Variants in GRIP2 observed in about 807,000 individuals in gnomAD.
GRIP2 encodes the protein glutamate receptor-interacting protein 2.
A neutral mutation model predicts 108.3 loss-of-function variants in GRIP2; 58 were observed. The observed-to-expected ratio is 0.54, with a 90% CI of 0.43 to 0.67. GRIP2 has a LOEUF of 0.67. Ranked by LOEUF, GRIP2 falls within the 30% of genes least tolerant of loss-of-function variation. The pLI is 0.00. For synonymous variants in GRIP2, 586 were observed against 598.2 expected (o/e 0.98, Z 0.30); for missense variants, 1,278 against 1,430.6 (o/e 0.89, Z 1.72).
At chr3:14,573,795 T>C in the GRIP2 span, 1 of 1,549,934 alleles carries the variant, frequency 6.5e-7, no homozygotes. Flanking sequence ...AAACTGTCTC[T>C]TGTGGCCGGC....
At position 14,525,437 on chromosome 3, in the gene GRIP2, C is replaced by G; in HGVS notation, c.257G>C (p.Arg86Thr). 14 of 1,612,248 alleles carry G rather than the reference C, an allele frequency of 8.7e-6. No individual in the cohort carries two copies. Among genetic ancestry groups the G allele is most frequent in the Non-Finnish European group, 1.2e-5 (14 of 1,179,792 alleles). ...SNLRPGGLAARSDLLNIGDYI... is the reference protein window; with the variant it reads ...SNLRPGGLAATSDLLNIGDYI... ...CGGCCGTGCCAAGCCCACTTCTCAC[C>G]TGGCTGCAAGTCCCCCAGGTCTCAG... Residue 86 changes from arginine to threonine, a missense_variant and splice_region_variant, in exon 3 of 24, where the codon AGG becomes ACG. By Grantham distance (71) the Arg-to-Thr change is moderately conservative. Transcript: ENST00000621039.
At chr3:14,508,195 T>C (rs752550491) in intron 17 of GRIP2, among the ~76,000 whole-genome samples, 11 of 152,240 alleles carry the variant, frequency 7.2e-5, no homozygotes, top group Non-Finnish European at 1.5e-4. Context: ...AGAATGGGCA[T>C]AATCACCAGC....
At chr3:14,601,104 G>A in the GRIP2 span, among the ~76,000 whole-genome samples, 1 of 151,112 alleles carries the variant, frequency 6.6e-6, no homozygotes, top group African/African-American at 2.4e-5. Context: ...ACACACACAC[G>A]AGGCAGGGGG....
intron 9 of GRIP2, among the ~76,000 whole-genome samples, chr3:14,519,302 C>A (rs1014737830): frequency 2.6e-5 from 4 of 152,164 alleles, no homozygotes; most frequent in Non-Finnish European, 5.9e-5. Flanking sequence ...ATGGGGTTTG[C>A]AAAGGGTGGG....
At chr3:14,526,019 G>A (rs1156845453) in intron 1 of GRIP2, 88 bp from the exon 2 acceptor site, 3 of 1,190,676 alleles carry the variant, frequency 2.5e-6, no homozygotes, top group Admixed American at 4.0e-5. Context: ...TCCACTCTGT[G>A]GACGTGGCCT....
At chr3:14,524,659 A>T in intron 3 of GRIP2, 121 bp from the exon 4 acceptor site, 1 of 1,158,662 alleles carries the variant, frequency 8.6e-7, no homozygotes, top group Non-Finnish European at 1.2e-6. Context: ...CAAATGGGGA[A>T]GCTGAGGCTT....
intron 16 of GRIP2, among the ~76,000 whole-genome samples, chr3:14,510,739 T>C (rs890889430): frequency 3.3e-5 from 5 of 152,120 alleles, no homozygotes; most frequent in Admixed American, 1.3e-4. Flanking sequence ...ATACAGCTTT[T>C]CTCACTCATT....
In GRIP2 at chr3:14,491,899, C is replaced by G. The variant is rs1701345410; in HGVS notation, c.*1766G>C. 2 of 152,288 alleles carry G rather than the reference C, an allele frequency of 1.3e-5. No individual in the cohort carries two copies. The highest frequency in any genetic ancestry group is 4.8e-5 in the African/African-American group (2 of 41,456). The allele number at this position is 152,288 out of a possible 1,614,324, so 9.4% of individuals were successfully genotyped here. A position where few individuals can be genotyped will look rare whatever the true frequency, so the allele number is the denominator to read the frequency against. ...GTGACAGGTAGACAGTGCCCTTTCA[C>G]TCTGGGCTGAGTACACGGGAATCCA... is the stretch of plus-strand genomic sequence containing the variant. On this transcript the variant is annotated 3_prime_UTR_variant, in exon 24 of 24. Coordinates refer to ENST00000621039, the MANE Select transcript of GRIP2 (RefSeq NM_001080423.4).
At chr3:14,496,932 A>G (rs1020002021) in intron 21 of GRIP2, among the ~76,000 whole-genome samples, 4 of 150,568 alleles carry the variant, frequency 2.7e-5, no homozygotes, top group Non-Finnish European at 4.4e-5. Flanking sequence ...AAAGATTTGA[A>G]CCCAGAGTCT....
At chr3:14,516,068 A>C (rs1694239571) in intron 11 of GRIP2, among the ~76,000 whole-genome samples, 1 of 152,158 alleles carries the variant, frequency 6.6e-6, no homozygotes, top group East Asian at 1.9e-4. Flanking sequence ...ACATCCCAGG[A>C]AGGAGACAGG....
rs561524237 is a variant in GRIP2 at position 14,517,250 on chromosome 3, C to A, written c.1157-37G>T. 7 of 1,491,544 alleles carry A rather than the reference C, an allele frequency of 4.7e-6. No individual in the cohort carries two copies. The African/African-American group carries it at 8.6e-5, about 18-fold the overall frequency. 92.4% of individuals were successfully genotyped at this position (1,491,544 alleles called of 1,614,324 possible). On this transcript the variant is annotated intron_variant, in intron 10 of 23. Coordinates refer to ENST00000621039, the MANE Select transcript of GRIP2 (RefSeq NM_001080423.4). ...AGAGCACAGCCCCGTGAACCCCAGCCGAGGCTCTCCACCCCACCACACAGT... is the reference window on the plus strand; with the variant it reads ...AGAGCACAGCCCCGTGAACCCCAGCAGAGGCTCTCCACCCCACCACACAGT...
chr3:14,534,482 T>G (rs1042182793), intron 1 of GRIP2, among the ~76,000 whole-genome samples: 2 of 152,226 alleles, frequency 1.3e-5, no homozygotes, highest in African/African-American at 4.8e-5. Flanking sequence ...CCCACCAATT[T>G]TCAGCTGGAA....
rs371618883 is a variant in GRIP2, at chr3:14,493,800, G to T, written c.2997C>A (p.Phe999Leu). Residue 999 changes from phenylalanine (F) to leucine (L), a missense_variant, in exon 24 of 24, where the codon TTC becomes TTA. By Grantham distance (22) the Phe-to-Leu change is conservative. Coordinates refer to ENST00000621039, the MANE Select transcript of GRIP2 (RefSeq NM_001080423.4). ...LQVNHVRTRD[F>L]DCCLAVPLLA... Reference sequence around the variant, plus strand: ...GGAGTGGCACCGCCAGGCAGCAGTCGAAGTCCCGTGTACGGACGTGGTTGA... The same window carrying T: ...GGAGTGGCACCGCCAGGCAGCAGTCTAAGTCCCGTGTACGGACGTGGTTGA... 3.1e-6 allele frequency: 5 copies of T among 1,613,394 alleles called. No homozygotes were observed. The African/African-American group carries it at 4.0e-5, about 13-fold the overall frequency.
At chr3:14,572,370 T>C in the GRIP2 span, among the ~76,000 whole-genome samples, 1 of 151,588 alleles carries the variant, frequency 6.6e-6, no homozygotes, top group African/African-American at 2.4e-5. Flanking sequence ...TCCCAGCACT[T>C]TGGGAGGCCG....
chr3:14,509,998 C>G (rs1694039421), intron 16 of GRIP2, 34 bp from the exon 17 acceptor site: 1 of 1,400,390 alleles, frequency 7.1e-7, no homozygotes, highest in East Asian at 2.8e-5. Context: ...GAGGAGGCCC[C>G]CGAGGGGGTA....
chr3:14,552,655 C>G (rs1276170881), intron 1 of GRIP2, among the ~76,000 whole-genome samples: 1 of 144,690 alleles, frequency 6.9e-6, no homozygotes, highest in Non-Finnish European at 1.5e-5. Context: ...TTTTTTGGCA[C>G]AGTCTTGGCT....
rs1179114918 is a variant in GRIP2 at position 14,505,721 on chromosome 3, C to T, written c.2467G>A (p.Gly823Ser). ...PQERRPGWLRGSPPPTEPRRT... is the reference protein window; with the variant it reads ...PQERRPGWLRSSPPPTEPRRT... ...CGGGGCTCGGTGGGTGGGGGGCTGC[C>T]CCTCAGCCAGCCAGGCCTCCGCTCC... is the stretch of plus-strand genomic sequence containing the variant. The change falls in exon 20 of 24, where the codon GGC (glycine) becomes AGC (serine). Residue 823 changes from glycine to serine, a missense_variant. Transcript: ENST00000621039. The surrounding 1 kb of genome is among the most constrained non-coding windows in gnomAD (Gnocchi z 4.2). 1.3e-5 allele frequency: 20 copies of T among 1,589,808 alleles called. No individual in the cohort carries two copies. Among genetic ancestry groups the T allele is most frequent in the Middle Eastern group, 1.7e-4 (1 of 6,042 alleles).
At chr3:14,587,662 A>G in the GRIP2 span, among the ~76,000 whole-genome samples, 2 of 151,312 alleles carry the variant, frequency 1.3e-5, no homozygotes, top group Non-Finnish European at 2.9e-5. Flanking sequence ...AAAACAAAAC[A>G]AAAAAAACCC....
In GRIP2 at chr3:14,496,404, C is replaced by A; in HGVS notation, c.2823+13G>T. 6.2e-7 allele frequency: 1 copy of A among 1,603,746 alleles called. No individual in the cohort carries two copies. Among genetic ancestry groups the A allele is most frequent in the Non-Finnish European group, 8.5e-7 (1 of 1,173,820 alleles). On this transcript the variant is annotated intron_variant, in intron 22 of 23. Coordinates refer to ENST00000621039, the MANE Select transcript of GRIP2 (RefSeq NM_001080423.4). Reference sequence around the variant, plus strand: ...ACAGGTCCAGGTCTCCTGTGCTCACCCCCTGTGCCTACCTTGTGCATCTCC... The same window carrying A: ...ACAGGTCCAGGTCTCCTGTGCTCACACCCTGTGCCTACCTTGTGCATCTCC...
Sources: allele counts gnomAD v4.1 joint callset (sites outside exome capture counted in the v4.1 genomes callset), GRCh38; gene constraint gnomAD v4.1.1; non-coding constraint Gnocchi (gnomAD v3.1); transcripts MANE v1.5; gene names NCBI Gene and HGNC (gene_info 2026-07-23, HGNC 2026-07-21).